The following SNX27 variants were observed in gnomAD, a reference collection of about 807,000 sequenced individuals.
The protein encoded by SNX27 is sorting nexin 27.
SNX27 carries 22 observed loss-of-function variants against 71.6 expected under a neutral mutation model. The observed-to-expected ratio is 0.31, with a 90% CI of 0.22 to 0.44. The LOEUF is 0.44. Ranked by LOEUF, SNX27 falls within the 20% of genes least tolerant of loss-of-function variation. The pLI, the probability that SNX27 is intolerant of heterozygous loss-of-function variation, is 1.00. For synonymous variants in SNX27, 269 were observed against 277.2 expected, an observed-to-expected ratio of 0.97 and a Z score of 0.29; for missense variants, 531 against 698.6, an observed-to-expected ratio of 0.76 and a Z score of 2.70.
intron 2 of SNX27, among the ~76,000 whole-genome samples, chr1:151,657,952 G>C (rs1287959440): frequency 3.3e-5 from 5 of 152,132 alleles, no homozygotes; most frequent in Non-Finnish European, 7.3e-5. Context: ...AATGAGCCGA[G>C]ATCATGCCAC....
At chr1:151,660,976 T>A in intron 4 of SNX27, 114 bp downstream of exon 4, 1 of 768,184 alleles carries the variant, frequency 1.3e-6, no homozygotes, top group Middle Eastern at 2.4e-4. Flanking sequence ...AGGACTCCAT[T>A]TTTTCTACTT....
intron 6 of SNX27, among the ~76,000 whole-genome samples, chr1:151,667,819 T>A: frequency 1.1e-5 from 1 of 90,330 alleles, no homozygotes; most frequent in African/African-American, 4.6e-5. Flanking sequence ...AGAGCGAGAC[T>A]CCGTCTCAAA....
At chr1:151,646,550 A>G (rs1167886773) in intron 2 of SNX27, among the ~76,000 whole-genome samples, 1 of 149,882 alleles carries the variant, frequency 6.7e-6, no homozygotes, top group African/African-American at 2.4e-5. Flanking sequence ...TCTATAATTT[A>G]TGAACATTTA....
At chr1:151,629,461 GTA>G (rs1459175838) in intron 1 of SNX27, 95 of 60,320 alleles carry the variant, frequency 1.6e-3, no homozygotes, top group African/African-American at 4.8e-3. Context: ...GTATATATAC[GTA>G]TATATACATA....
intron 1 of SNX27, among the ~76,000 whole-genome samples, chr1:151,623,447 A>G (rs980038106): frequency 2.0e-5 from 3 of 151,740 alleles, no homozygotes; most frequent in Admixed American, 1.3e-4. Flanking sequence ...GTATTTTTTA[A>G]TAGAGACGGG....
At chr1:151,673,402 C>T (rs1670531165) in intron 7 of SNX27, among the ~76,000 whole-genome samples, 1 of 151,994 alleles carries the variant, frequency 6.6e-6, no homozygotes, top group African/African-American at 2.4e-5. Context: ...ACTTGATACT[C>T]CATTTTTTAA....
intron 2 of SNX27, among the ~76,000 whole-genome samples, chr1:151,654,385 CTG>C (rs1467591298): frequency 6.6e-6 from 1 of 152,038 alleles, no homozygotes; most frequent in Non-Finnish European, 1.5e-5. Flanking sequence ...GGCCTTGTAT[CTG>C]TGGTTAGTCT....
At chr1:151,682,406 C>T (rs946357979) in intron 7 of SNX27, among the ~76,000 whole-genome samples, 2 of 152,172 alleles carry the variant, frequency 1.3e-5, no homozygotes, top group Non-Finnish European at 2.9e-5. Flanking sequence ...ACTGCAACCT[C>T]TGCCTCCTGG....
chr1:151,618,640 G>A (rs1023143536), intron 1 of SNX27, among the ~76,000 whole-genome samples: 1 of 152,020 alleles, frequency 6.6e-6, no homozygotes, highest in Non-Finnish European at 1.5e-5. Context: ...AGTCCCATTG[G>A]GAATAATTCT....
intron 9 of SNX27, 45 bp from the exon 10 acceptor site, chr1:151,692,866 T>C (rs777193238): frequency 6.2e-7 from 1 of 1,612,666 alleles, no homozygotes; most frequent in Non-Finnish European, 8.5e-7. Flanking sequence ...TCCCCAGCAC[T>C]CTGAAACACA....
intron 1 of SNX27, among the ~76,000 whole-genome samples, chr1:151,618,345 TCAG>T: frequency 6.6e-6 from 1 of 152,230 alleles, no homozygotes; most frequent in Admixed American, 6.5e-5. Context: ...CTGTTGGTTA[TCAG>T]TGAAGACAGC....
intron 6 of SNX27, among the ~76,000 whole-genome samples, chr1:151,667,633 G>A (rs1049034145): frequency 6.6e-6 from 1 of 151,802 alleles, no homozygotes; most frequent in African/African-American, 2.4e-5. Flanking sequence ...AGACCATCCC[G>A]GCTAAAACGG....
chr1:151,690,232 C>T (rs769153876), intron 8 of SNX27, among the ~76,000 whole-genome samples: 14 of 152,266 alleles, frequency 9.2e-5, no homozygotes, highest in African/African-American at 2.2e-4. Context: ...CGATAGCCTT[C>T]GACTTTCTGC....
At chr1:151,645,915 C>T (rs966066718) in intron 2 of SNX27, among the ~76,000 whole-genome samples, 1 of 152,078 alleles carries the variant, frequency 6.6e-6, no homozygotes, top group Non-Finnish European at 1.5e-5. Flanking sequence ...TGTATTTCGT[C>T]CAGAATTTAT....
chr1:151,622,076 A>G (rs1667700439), intron 1 of SNX27, among the ~76,000 whole-genome samples: 1 of 152,178 alleles, frequency 6.6e-6, no homozygotes, highest in African/African-American at 2.4e-5. Context: ...TTCTCTTTCA[A>G]TATGTTGGAA....
chr1:151,665,355 G>T (rs1670145116), intron 5 of SNX27, among the ~76,000 whole-genome samples: 2 of 152,078 alleles, frequency 1.3e-5, no homozygotes, highest in African/African-American at 2.4e-5. Context: ...TATTATGATG[G>T]TAATTCTTAG....
chr1:151,619,541 TC>T (rs1667576017), intron 1 of SNX27, among the ~76,000 whole-genome samples: 2 of 152,136 alleles, frequency 1.3e-5, no homozygotes, highest in Non-Finnish European at 2.9e-5. Context: ...GCTGAAGTGA[TC>T]CGCTTGCCTC....
intron 5 of SNX27, chr1:151,662,489 C>A: frequency 3.4e-6 from 1 of 294,904 alleles, no homozygotes; most frequent in Non-Finnish European, 6.6e-6. Flanking sequence ...ATTAACGCCT[C>A]CTTTTTTTTT....
At chr1:151,684,818 T>A (rs1239613463) in intron 8 of SNX27, among the ~76,000 whole-genome samples, 1 of 151,672 alleles carries the variant, frequency 6.6e-6, no homozygotes, top group African/African-American at 2.4e-5. Flanking sequence ...TTTAAACTGT[T>A]TTTTTTTTGA....
Sources: allele counts gnomAD v4.1 joint callset (sites outside exome capture counted in the v4.1 genomes callset), GRCh38; gene constraint gnomAD v4.1.1; transcripts MANE v1.5; gene names NCBI Gene and HGNC (gene_info 2026-07-23, HGNC 2026-07-21).